The following ZDHHC15 variants were observed in gnomAD, a reference collection of about 807,000 sequenced individuals.
ZDHHC15 encodes palmitoyltransferase ZDHHC15.
A neutral mutation model predicts 31.7 loss-of-function variants in ZDHHC15; 19 were observed. The ratio of observed to expected loss-of-function variants is 0.60; its 90% CI spans 0.42 to 0.88. The LOEUF is 0.88. ZDHHC15 is among the 40% of genes least tolerant of loss of function. The probability of loss-of-function intolerance (pLI) is 0.00; values close to 1 mark genes in which losing one functional copy is unlikely to be tolerated. For missense variants in ZDHHC15, 209 were observed against 251.2 expected (o/e 0.83, Z 1.14); for synonymous variants, 103 against 90.0 (o/e 1.14, Z -0.82).
intron 2 of ZDHHC15, among the ~76,000 whole-genome samples, chrX:75,490,559 T>C (rs987327981): frequency 5.4e-5 from 6 of 111,751 alleles, no homozygotes; most frequent in African/African-American, 2.0e-4. Context: ...GGGATGGCAT[T>C]GAATCTATAA....
intron 11 of ZDHHC15, among the ~76,000 whole-genome samples, chrX:75,373,926 G>GTTTTTTTTTTT (rs35704680): frequency 0.011 from 548 of 50,416 alleles, 71 homozygotes; most frequent in Non-Finnish European, 0.014. Context: ...CATTCTTTCT[G>GTTTTTTTTTTT]TTTTTTTTTT....
At chrX:75,409,238 T>C (rs1186997936) in intron 10 of ZDHHC15, among the ~76,000 whole-genome samples, 1 of 111,695 alleles carries the variant, frequency 9.0e-6, no homozygotes, top group African/African-American at 3.3e-5. Flanking sequence ...ATGCCTGTAA[T>C]CCCAGCATTT....
At chrX:75,520,548 A>G (rs1420400198) in intron 1 of ZDHHC15, among the ~76,000 whole-genome samples, 2 of 111,755 alleles carry the variant, frequency 1.8e-5, no homozygotes, top group Non-Finnish European at 3.8e-5. Context: ...AGCTCATATG[A>G]GTCAATACTG....
intron 3 of ZDHHC15, among the ~76,000 whole-genome samples, chrX:75,462,042 G>A (rs1446952092): frequency 9.0e-6 from 1 of 111,671 alleles, no homozygotes; most frequent in Non-Finnish European, 1.9e-5. Flanking sequence ...ACCATCTCAA[G>A]TGCAAAGACA....
rs1208830511 is a variant in ZDHHC15, at chrX:75,451,453, T to C, written c.259-531A>G. On this transcript the variant is annotated intron_variant, in intron 3 of 11. Transcript: ENST00000373367. ...AGGGGAAATTTAGATATTCTCACTA[T>C]TGAATACTTTTTTAGTCTCGTATGG... Among the ~76,000 whole-genome samples, 75 of 112,584 alleles carry C rather than the reference T, an allele frequency of 6.7e-4. No individual in the cohort carries two copies. The Admixed American group carries it at 7.0e-3, about 10-fold the overall frequency.
intron 11 of ZDHHC15, among the ~76,000 whole-genome samples, chrX:75,373,926 G>GTTTTTTTTTTTATTTTTTTTTTTTTTTTT (rs2083028176): frequency 2.0e-5 from 1 of 50,456 alleles, no homozygotes; most frequent in Non-Finnish European, 3.4e-5. Context: ...CATTCTTTCT[G>GTTTTTTTTTTTATTTTTTTTTTTTTTTTT]TTTTTTTTTT....
chrX:75,499,701 A>G (rs927281014), intron 2 of ZDHHC15, among the ~76,000 whole-genome samples: 2 of 112,283 alleles, frequency 1.8e-5, no homozygotes, highest in Non-Finnish European at 3.8e-5. Context: ...TACAACCACT[A>G]TGGAAAACAT....
intron 10 of ZDHHC15, among the ~76,000 whole-genome samples, chrX:75,395,318 CA>C (rs900348034): frequency 9.1e-5 from 10 of 110,247 alleles, no homozygotes; most frequent in African/African-American, 1.3e-4. Flanking sequence ...AAAGATTCCA[CA>C]AAAAAAACAT....
chrX:75,460,741 A>G (rs1429025636), intron 3 of ZDHHC15, among the ~76,000 whole-genome samples: 1 of 111,686 alleles, frequency 9.0e-6, no homozygotes, highest in African/African-American at 3.3e-5. Context: ...CAAACAGAAA[A>G]CAACAACATC....
At chrX:75,384,173 T>G (rs1345508162) in intron 10 of ZDHHC15, among the ~76,000 whole-genome samples, 1 of 112,155 alleles carries the variant, frequency 8.9e-6, no homozygotes, top group African/African-American at 3.2e-5. Flanking sequence ...AAAAAAGCTT[T>G]TGGAAAACAT....
intron 10 of ZDHHC15, among the ~76,000 whole-genome samples, chrX:75,388,652 G>A (rs976612572): frequency 2.7e-5 from 3 of 111,673 alleles, no homozygotes; most frequent in African/African-American, 9.8e-5. Flanking sequence ...TACAAAGGAA[G>A]AAAGAAAGAA....
chrX:75,487,527 A>T (rs2084797068), intron 2 of ZDHHC15, among the ~76,000 whole-genome samples: 1 of 112,203 alleles, frequency 8.9e-6, no homozygotes, highest in South Asian at 3.7e-4. Context: ...AAGAATCTGA[A>T]GATCAGCCCT....
chrX:75,388,099 C>A (rs2083199197), intron 10 of ZDHHC15, among the ~76,000 whole-genome samples: 1 of 112,105 alleles, frequency 8.9e-6, no homozygotes, highest in Admixed American at 9.4e-5. Context: ...GCAAAGTTAT[C>A]CTTCAAAAAT....
At chrX:75,484,234 T>C (rs1056049102) in intron 2 of ZDHHC15, among the ~76,000 whole-genome samples, 1 of 111,681 alleles carries the variant, frequency 9.0e-6, no homozygotes, top group Non-Finnish European at 1.9e-5. Context: ...ATTTTCCTCA[T>C]ATCAAGTATA....
chrX:75,495,975 T>C (rs1435211439), intron 2 of ZDHHC15, among the ~76,000 whole-genome samples: 2 of 109,045 alleles, frequency 1.8e-5, no homozygotes, highest in African/African-American at 3.3e-5. Context: ...TAACAACTAG[T>C]ATAATGAATA....
chrX:75,449,018 C>T (rs750565870), intron 4 of ZDHHC15, among the ~76,000 whole-genome samples: 36 of 110,663 alleles, frequency 3.3e-4, no homozygotes, highest in Non-Finnish European at 5.7e-4. Context: ...TGAGCTGAGA[C>T]ATCAGTTTTC....
intron 3 of ZDHHC15, among the ~76,000 whole-genome samples, chrX:75,469,450 G>A (rs2084467936): frequency 1.8e-5 from 2 of 111,403 alleles, no homozygotes; most frequent in African/African-American, 6.5e-5. Context: ...CTGTGAATTC[G>A]TCTACTTTAG....
intron 2 of ZDHHC15, among the ~76,000 whole-genome samples, chrX:75,491,710 G>T (rs1308748504): frequency 1.8e-5 from 2 of 111,050 alleles, no homozygotes; most frequent in Non-Finnish European, 3.8e-5. Flanking sequence ...AAGTGAAGGA[G>T]AAATAAAATC....
chrX:75,491,364 A>G (rs1236958369), intron 2 of ZDHHC15, among the ~76,000 whole-genome samples: 2 of 106,966 alleles, frequency 1.9e-5, no homozygotes, highest in South Asian at 4.3e-4. Context: ...TTCTCAGTAA[A>G]CTATCGCAAG....
Sources: gnomAD v4.1 joint callset for allele counts (sites outside exome capture counted in the v4.1 genomes callset) on GRCh38, gnomAD v4.1.1 for gene constraint, MANE v1.5 for transcripts, NCBI Gene and HGNC (gene_info 2026-07-23, HGNC 2026-07-21) for gene names.